Variants in CCDC85C observed in about 807,000 individuals in gnomAD.
CCDC85C encodes the protein coiled-coil domain-containing protein 85C.
Under a neutral mutation model 38.3 loss-of-function variants are expected in CCDC85C, and 18 were observed. The observed-to-expected ratio is 0.47, with a 90% CI of 0.33 to 0.70. CCDC85C has a LOEUF of 0.70. Ranked by LOEUF, CCDC85C falls within the 30% of genes least tolerant of loss-of-function variation. The pLI is 0.03. For missense variants in CCDC85C, 566 were observed against 621.2 expected (o/e 0.91, Z 0.94); for synonymous variants, 264 against 293.8 (o/e 0.90, Z 1.04).
intron 1 of CCDC85C, among the ~76,000 whole-genome samples, chr14:99,585,128 C>G (rs1212222286): frequency 6.6e-6 from 1 of 152,182 alleles, no homozygotes; most frequent in Non-Finnish European, 1.5e-5. Flanking sequence ...GCCTCCATAC[C>G]ACACCTGTTC....
At chr14:99,584,750 T>A (rs1566782648) in intron 1 of CCDC85C, among the ~76,000 whole-genome samples, 2 of 152,194 alleles carry the variant, frequency 1.3e-5, no homozygotes, top group African/African-American at 4.8e-5. Context: ...CAAGTCCACA[T>A]AACTGCCCCA....
In CCDC85C at chr14:99,503,049, T is replaced by C; in HGVS notation, c.*12197A>G. ...CCAGGTGGCGGCAACACCTGAGCAC[T>C]GTTCCCATTTCTAAGCGAGCACAGG... is the stretch of plus-strand genomic sequence containing the variant. On this transcript the variant is annotated 3_prime_UTR_variant, in exon 6 of 6. Coordinates refer to ENST00000380243, the MANE Select transcript of CCDC85C (RefSeq NM_001144995.2). The C allele has an allele frequency of 6.5e-7, 1 of 1,545,400 alleles. No homozygotes were observed. The highest frequency in any genetic ancestry group is 8.9e-7 in the Non-Finnish European group (1 of 1,118,040).
At position 99,502,581 on chromosome 14, in the gene CCDC85C, C is replaced by T. The variant is rs1015057224; in HGVS notation, c.*12665G>A. On this transcript the variant is annotated 3_prime_UTR_variant, in exon 6 of 6. Coordinates refer to ENST00000380243, the MANE Select transcript of CCDC85C (RefSeq NM_001144995.2). ...ACTAAAAATACACACCAGTGTTGCACACAACGAAGATGGGGTGAGTTGTAA... is the reference window on the plus strand; with the variant it reads ...ACTAAAAATACACACCAGTGTTGCATACAACGAAGATGGGGTGAGTTGTAA... 52 of 1,202,164 alleles carry T rather than the reference C, an allele frequency of 4.3e-5. No individual in the cohort carries two copies. The African/African-American group carries it at 7.0e-4, about 16-fold the overall frequency. The allele number at this position is 1,202,164 out of a possible 1,614,324, so 74.5% of individuals were successfully genotyped here. A position where few individuals can be genotyped will look rare whatever the true frequency, so the allele number is the denominator to read the frequency against.
chr14:99,593,054 T>C (rs1235850906), intron 1 of CCDC85C, among the ~76,000 whole-genome samples: 1 of 152,028 alleles, frequency 6.6e-6, no homozygotes, highest in Non-Finnish European at 1.5e-5. Flanking sequence ...AGCCTTGGCA[T>C]GGGCAGTGTG....
chr14:99,573,117 C>T (rs193086728), intron 1 of CCDC85C: 26 of 295,056 alleles, frequency 8.8e-5, no homozygotes, highest in African/African-American at 4.1e-4. Context: ...GGGACTCAGG[C>T]GTGCAGCTGC....
In CCDC85C at chr14:99,558,196, CCTT is replaced by C. The variant is rs1361379728; in HGVS notation, c.794-22111_794-22109del. On this transcript the variant is annotated intron_variant, in intron 1 of 5. Transcript: ENST00000380243. This position sits in a 1 kb window ranked among gnomAD's most constrained non-coding sequence, Gnocchi z 4.2. ...AACTCAGCCGTGTGAAAGCCACTGG[CCTT>C]CATCATCTGCCCAACAGCAGAAGAG... Among the ~76,000 whole-genome samples, 3 of 152,182 alleles carry C rather than the reference CCTT, an allele frequency of 2.0e-5. No individual in the cohort carries two copies. Among genetic ancestry groups the C allele is most frequent in the Non-Finnish European group, 4.4e-5 (3 of 68,034 alleles).
rs909544062 is a variant in CCDC85C, at chr14:99,548,930, G to A, written c.794-12842C>T. Among the ~76,000 whole-genome samples the A allele has an allele frequency of 2.0e-5, 3 of 152,204 alleles. No homozygotes were observed. The highest frequency in any genetic ancestry group is 7.2e-5 in the African/African-American group (3 of 41,464). On this transcript the variant is annotated intron_variant, in intron 1 of 5. Coordinates refer to ENST00000380243, the MANE Select transcript of CCDC85C (RefSeq NM_001144995.2). The surrounding 1 kb of genome is among the most constrained non-coding windows in gnomAD (Gnocchi z 4.9). ...CCATTTCTACAAAGTCTGAAAATCTGCAAAGCATCCTCACATTGTTAGAGG... is the reference window on the plus strand; with the variant it reads ...CCATTTCTACAAAGTCTGAAAATCTACAAAGCATCCTCACATTGTTAGAGG...
Position 99,517,145 on chromosome 14 carries a change from G to A in CCDC85C, c.1014C>T (p.Pro338=). The A allele has an allele frequency of 6.5e-7, 1 of 1,549,972 alleles. No individual in the cohort carries two copies. Among genetic ancestry groups the A allele is most frequent in the Admixed American group, 2.0e-5 (1 of 50,916 alleles). The change falls in exon 4 of 6, where the codon CCC becomes CCT. Residue 338 remains proline (P), a synonymous_variant. Transcript: ENST00000380243. ...ACPAPELPSP[P]SAGYSPAGQK... is the part of the protein sequence containing the mutation. ...GTCCTGCAGGGCTGTAGCCAGCAGAGGGGGGCGAGGGCAGCTCAGGTGCGG... is the reference window on the plus strand; with the variant it reads ...GTCCTGCAGGGCTGTAGCCAGCAGAAGGGGGCGAGGGCAGCTCAGGTGCGG...
intron 1 of CCDC85C, among the ~76,000 whole-genome samples, chr14:99,586,131 G>A (rs2055023372): frequency 6.6e-6 from 1 of 152,180 alleles, no homozygotes; most frequent in African/African-American, 2.4e-5. Flanking sequence ...ACGAGTGCAG[G>A]GCAACACGGG....
intron 3 of CCDC85C, among the ~76,000 whole-genome samples, chr14:99,517,777 C>T (rs1200837244): frequency 3.3e-5 from 5 of 152,158 alleles, no homozygotes; most frequent in Admixed American, 3.3e-4. Flanking sequence ...TGCGTGTCTA[C>T]CCAGGGGCAG....
chr14:99,596,964 G>A (rs1490055990), intron 1 of CCDC85C, among the ~76,000 whole-genome samples: 1 of 152,184 alleles, frequency 6.6e-6, no homozygotes, highest in African/African-American at 2.4e-5. Context: ...AAGAGCTCAG[G>A]ACGCCTGCCC....
intron 1 of CCDC85C, among the ~76,000 whole-genome samples, chr14:99,560,081 T>C (rs555760995): frequency 6.6e-6 from 1 of 151,752 alleles, no homozygotes; most frequent in Admixed American, 6.6e-5. Flanking sequence ...TCCCTCCTTG[T>C]AGGAACCTAC....
chr14:99,584,562 G>A (rs991414584), intron 1 of CCDC85C, among the ~76,000 whole-genome samples: 2 of 152,214 alleles, frequency 1.3e-5, no homozygotes, highest in Non-Finnish European at 2.9e-5. Flanking sequence ...TGTTACGTCA[G>A]GAGAGGTTCT....
In CCDC85C at chr14:99,515,101, G is replaced by C; in HGVS notation, c.*145C>G. ...CCAGTGCATCGGACCCATGGCAGCT[G>C]GGCCAGGGCGGGCAGCGTCCTATGT... On this transcript the variant is annotated 3_prime_UTR_variant, in exon 6 of 6. Transcript: ENST00000380243. The C allele has an allele frequency of 1.7e-6, 1 of 605,768 alleles. No individual in the cohort carries two copies. Among genetic ancestry groups the C allele is most frequent in the Non-Finnish European group, 2.9e-6 (1 of 348,636 alleles). The allele number at this position is 605,768 out of a possible 1,614,324, so 37.5% of individuals were successfully genotyped here. A position where few individuals can be genotyped will look rare whatever the true frequency, so the allele number is the denominator to read the frequency against.
intron 1 of CCDC85C, among the ~76,000 whole-genome samples, chr14:99,566,858 T>G (rs537124332): frequency 1.3e-4 from 20 of 152,156 alleles, no homozygotes; most frequent in African/African-American, 4.3e-4. Flanking sequence ...TTCACTGTCC[T>G]GCACCCTCTA....
chr14:99,582,504 G>A (rs1302479195), intron 1 of CCDC85C, among the ~76,000 whole-genome samples: 1 of 151,966 alleles, frequency 6.6e-6, no homozygotes, highest in African/African-American at 2.4e-5. Flanking sequence ...TCTTGGATAG[G>A]ATCCTGAACA....
intron 1 of CCDC85C, among the ~76,000 whole-genome samples, chr14:99,584,204 C>G (rs967187964): frequency 2.6e-5 from 4 of 152,078 alleles, no homozygotes; most frequent in African/African-American, 9.7e-5. Flanking sequence ...ACTTTTGCAA[C>G]TTTTTGTGAG....
At chr14:99,560,746 G>A (rs1035135790) in intron 1 of CCDC85C, among the ~76,000 whole-genome samples, 5 of 152,258 alleles carry the variant, frequency 3.3e-5, no homozygotes, top group African/African-American at 1.2e-4. Context: ...GGAAACAGGT[G>A]AGAGAGTGGC....
rs894973727 is a variant in CCDC85C, at chr14:99,572,802, T to C, written c.793+30365A>G. On this transcript the variant is annotated intron_variant, in intron 1 of 5. Coordinates refer to ENST00000380243, the MANE Select transcript of CCDC85C (RefSeq NM_001144995.2). The surrounding 1 kb of genome is among the most constrained non-coding windows in gnomAD (Gnocchi z 4.4). ...GGAGACTTCTGTCTGTCTTGCTTCA[T>C]GGAAGTATCCCAGGAGCATGGAAAC... is the stretch of plus-strand genomic sequence containing the variant. 6 of 456,014 alleles carry C rather than the reference T, an allele frequency of 1.3e-5. No homozygotes were observed. The highest frequency in any genetic ancestry group is 1.0e-4 in the African/African-American group (5 of 50,084). The allele number at this position is 456,014 out of a possible 1,614,324, so 28.2% of individuals were successfully genotyped here.
Sources: allele counts gnomAD v4.1 joint callset (sites outside exome capture counted in the v4.1 genomes callset), GRCh38; gene constraint gnomAD v4.1.1; non-coding constraint Gnocchi (gnomAD v3.1); transcripts MANE v1.5; gene names NCBI Gene and HGNC (gene_info 2026-07-23, HGNC 2026-07-21).